ROR1: variants seen among roughly 807,000 people sequenced by gnomAD.
ROR1 encodes the protein ROR family WNT receptor 1.
Under a neutral mutation model 78.8 loss-of-function variants are expected in ROR1, and 19 were observed. The observed-to-expected ratio is 0.24, with a 90% CI of 0.17 to 0.35. The LOEUF (loss-of-function observed/expected upper bound fraction) is 0.35. Ranked by LOEUF, ROR1 falls within the 10% of genes least tolerant of loss-of-function variation. The pLI is 1.00. For synonymous variants in ROR1, 386 were observed against 433.6 expected (o/e 0.89, Z 1.36); for missense variants, 917 against 1,177.8 (o/e 0.78, Z 3.24).
chr1:63,911,603 T>C (rs1645570860), intron 1 of ROR1, among the ~76,000 whole-genome samples: 2 of 144,952 alleles, frequency 1.4e-5, no homozygotes, highest in Admixed American at 6.8e-5. Context: ...CCCTGGTCCA[T>C]AGAAAAACTG....
Position 63,774,594 on chromosome 1 carries a change from A to T in ROR1, c.91+86A>T, listed in dbSNP as rs1009316850. 1.1e-4 allele frequency: 75 copies of T among 693,112 alleles called. No homozygotes were observed. The African/African-American group carries it at 1.5e-3, about 14-fold the overall frequency. The allele number at this position is 693,112 out of a possible 1,614,324, so 42.9% of individuals were successfully genotyped here. ...CCGTCCAGCCGGGCGCGGGACACGC[A>T]GGAAGCGCCGCGCTGGCTCCGGGGC... On this transcript the variant is annotated intron_variant, in intron 1 of 8. Transcript: ENST00000371079. This position sits in a 1 kb window ranked among gnomAD's most constrained non-coding sequence, Gnocchi z 5.7.
chr1:63,916,282 G>T (rs907167656), intron 1 of ROR1, among the ~76,000 whole-genome samples: 1 of 152,096 alleles, frequency 6.6e-6, no homozygotes, highest in Non-Finnish European at 1.5e-5. Flanking sequence ...AGCATTCATC[G>T]GGCCAGGCGC....
At chr1:63,938,681 T>G (rs530953986) in intron 1 of ROR1, among the ~76,000 whole-genome samples, 1 of 152,312 alleles carries the variant, frequency 6.6e-6, no homozygotes, top group African/African-American at 2.4e-5. Context: ...TCCTTGTAAT[T>G]TTTTTGTTTT....
At chr1:63,891,513 A>T (rs114671935) in intron 1 of ROR1, among the ~76,000 whole-genome samples, 1 of 152,248 alleles carries the variant, frequency 6.6e-6, no homozygotes, top group African/African-American at 2.4e-5. Flanking sequence ...TGTTAATTTT[A>T]GGTGTCAACT....
At chr1:63,863,707 CATTGTATTGT>C (rs61123882) in intron 1 of ROR1, among the ~76,000 whole-genome samples, 6,080 of 65,886 alleles carry the variant, frequency 0.092, 893 homozygotes, top group Admixed American at 0.11. Context: ...TCAACACTGC[CATTGTATTGT>C]ATTGTATTGT....
intron 1 of ROR1, among the ~76,000 whole-genome samples, chr1:63,850,979 TTTTG>T (rs199721511): frequency 4.6e-5 from 7 of 152,078 alleles, no homozygotes; most frequent in African/African-American, 9.6e-5. Context: ...TTTGTTTGCT[TTTTG>T]TTTGTTTGTT....
intron 2 of ROR1, among the ~76,000 whole-genome samples, chr1:64,042,705 A>C (rs1646754348): frequency 6.6e-6 from 1 of 152,184 alleles, no homozygotes; most frequent in Non-Finnish European, 1.5e-5. Flanking sequence ...GGCTGATTTT[A>C]TTAAACTCAG....
At chr1:63,873,164 T>C (rs1645262793) in intron 1 of ROR1, among the ~76,000 whole-genome samples, 1 of 152,152 alleles carries the variant, frequency 6.6e-6, no homozygotes, top group Non-Finnish European at 1.5e-5. Flanking sequence ...ATGATTTCTC[T>C]TTGTTCTTAG....
intron 1 of ROR1, among the ~76,000 whole-genome samples, chr1:64,000,569 T>C (rs1409503410): frequency 6.6e-6 from 1 of 152,196 alleles, no homozygotes; most frequent in East Asian, 1.9e-4. Flanking sequence ...GCCTCCTTAG[T>C]AACTAGTTGG....
chr1:63,859,014 A>G (rs1417696236), intron 1 of ROR1, among the ~76,000 whole-genome samples: 1 of 152,218 alleles, frequency 6.6e-6, no homozygotes, highest in African/African-American at 2.4e-5. Flanking sequence ...TAAGGTAGTC[A>G]AAGTTTTTAT....
At chr1:64,071,800 A>G (rs1271393754) in intron 4 of ROR1, among the ~76,000 whole-genome samples, 2 of 152,210 alleles carry the variant, frequency 1.3e-5, no homozygotes, top group African/African-American at 4.8e-5. Context: ...TAGAATAGCT[A>G]TAGCCTTCAG....
Position 63,883,967 on chromosome 1 carries a change from C to T in ROR1, c.91+109459C>T, listed in dbSNP as rs561891939. On this transcript the variant is annotated intron_variant, in intron 1 of 8. Transcript: ENST00000371079. ...TACTCCTGGTTTCTTCCAAAACCTGCCTGTTAATCACCTGTTTACATTGCC... is the reference window on the plus strand; with the variant it reads ...TACTCCTGGTTTCTTCCAAAACCTGTCTGTTAATCACCTGTTTACATTGCC... 2.0e-5 allele frequency among the ~76,000 whole-genome samples: 3 copies of T among 152,280 alleles called. No homozygotes were observed. In the South Asian group the frequency reaches 6.2e-4, roughly 32 times the overall value.
At chr1:64,165,131 T>G (rs2100735178) in intron 8 of ROR1, among the ~76,000 whole-genome samples, 1 of 152,298 alleles carries the variant, frequency 6.6e-6, no homozygotes, top group Middle Eastern at 3.4e-3. Flanking sequence ...GGATTTAAAT[T>G]GCTAGGTCAA....
chr1:64,070,939 G>T (rs1341446349), intron 4 of ROR1, among the ~76,000 whole-genome samples: 1 of 152,200 alleles, frequency 6.6e-6, no homozygotes, highest in Non-Finnish European at 1.5e-5. Flanking sequence ...TCTGCCAAGG[G>T]GCTGACATTT....
chr1:63,918,609 G>GT (rs1157991968), intron 1 of ROR1, among the ~76,000 whole-genome samples: 1 of 152,180 alleles, frequency 6.6e-6, no homozygotes, highest in Non-Finnish European at 1.5e-5. Flanking sequence ...TAGGAGCTTG[G>GT]TAAAAACTTA....
intron 1 of ROR1, among the ~76,000 whole-genome samples, chr1:63,827,534 A>G (rs1644961675): frequency 6.6e-6 from 1 of 152,110 alleles, no homozygotes; most frequent in Non-Finnish European, 1.5e-5. Context: ...GTTGGATGGA[A>G]TTTGTTCTGT....
chr1:63,947,225 G>A (rs1419709478), intron 1 of ROR1, among the ~76,000 whole-genome samples: 1 of 152,174 alleles, frequency 6.6e-6, no homozygotes, highest in Non-Finnish European at 1.5e-5. Context: ...CCCCTGTATG[G>A]CAGCCCAACT....
rs114008514 is a variant in ROR1 at position 63,778,397 on chromosome 1, G to A, written c.91+3889G>A. The stretch of plus-strand genomic sequence containing the variant: ...TGACTTGGAGTGTTTGATGCCTGAG[G>A]CAATGGGTTGTCTTCCTGGGGAGGC... On this transcript the variant is annotated intron_variant, in intron 1 of 8. Coordinates refer to ENST00000371079, the MANE Select transcript of ROR1 (RefSeq NM_005012.4). Among the ~76,000 whole-genome samples, 427 of 152,306 alleles carry A rather than the reference G, an allele frequency of 2.8e-3. 4 individuals are homozygous for A. The highest frequency in any genetic ancestry group is 4.7e-3 in the Non-Finnish European group (318 of 68,020).
intron 1 of ROR1, among the ~76,000 whole-genome samples, chr1:63,885,738 G>C (rs1645352273): frequency 6.6e-6 from 1 of 152,028 alleles, no homozygotes; most frequent in Non-Finnish European, 1.5e-5. Flanking sequence ...ATGCCCTTGG[G>C]TATAGGATCA....
Sources: allele counts gnomAD v4.1 joint callset (sites outside exome capture counted in the v4.1 genomes callset), GRCh38; gene constraint gnomAD v4.1.1; non-coding constraint Gnocchi (gnomAD v3.1); transcripts MANE v1.5; gene names NCBI Gene and HGNC (gene_info 2026-07-23, HGNC 2026-07-21).